Variants in IPO11 observed in about 807,000 individuals in gnomAD.
IPO11 encodes importin-11.
A neutral mutation model predicts 143.2 loss-of-function variants in IPO11; 66 were observed. The ratio of observed to expected loss-of-function variants is 0.46; its 90% CI spans 0.38 to 0.57. IPO11 has a LOEUF of 0.57. IPO11 is among the 20% of genes least tolerant of loss of function. IPO11 has a pLI of 0.00. For missense variants in IPO11, 1,026 were observed against 1,141.0 expected (o/e 0.90, Z 1.45); for synonymous variants, 385 against 377.8 (o/e 1.02, Z -0.22).
chr5:62,532,856 C>CA (rs1177367118), intron 22 of IPO11, among the ~76,000 whole-genome samples: 3 of 152,130 alleles, frequency 2.0e-5, no homozygotes, highest in African/African-American at 7.2e-5. Flanking sequence ...ACCGGCTCTT[C>CA]AGGATTTGTT....
intron 5 of IPO11, among the ~76,000 whole-genome samples, chr5:62,453,549 T>C (rs1030636885): frequency 3.9e-5 from 6 of 152,222 alleles, no homozygotes; most frequent in African/African-American, 7.2e-5. Context: ...TTCTGAGGAC[T>C]CAATTTTGTC....
intron 16 of IPO11, among the ~76,000 whole-genome samples, chr5:62,503,042 C>A (rs553056008): frequency 6.6e-6 from 1 of 152,160 alleles, no homozygotes; most frequent in East Asian, 1.9e-4. Flanking sequence ...CCAGTCTGGT[C>A]TCGAACTCCT....
At chr5:62,558,215 A>G (rs1259528123) in intron 26 of IPO11, among the ~76,000 whole-genome samples, 4 of 152,212 alleles carry the variant, frequency 2.6e-5, no homozygotes, top group Admixed American at 6.5e-5. Flanking sequence ...TTTTACTGTA[A>G]AAAATTGAGC....
At chr5:62,575,076 TTC>T (rs1335012467) in intron 27 of IPO11, among the ~76,000 whole-genome samples, 3 of 152,248 alleles carry the variant, frequency 2.0e-5, no homozygotes, top group Non-Finnish European at 4.4e-5. Flanking sequence ...CAATATTTGT[TTC>T]TGTTTTTATT....
At chr5:62,563,545 A>T (rs1482254127) in intron 27 of IPO11, among the ~76,000 whole-genome samples, 1 of 152,192 alleles carries the variant, frequency 6.6e-6, no homozygotes, top group Non-Finnish European at 1.5e-5. Context: ...TAGGTTGAGT[A>T]TCCTTTATCT....
chr5:62,623,907 G>C (rs1351951608), intron 29 of IPO11, among the ~76,000 whole-genome samples: 1 of 152,070 alleles, frequency 6.6e-6, no homozygotes, highest in Admixed American at 6.5e-5. Flanking sequence ...ACAGGCGTGA[G>C]CCACAATGCC....
chr5:62,563,591 T>C (rs978601624), intron 27 of IPO11, among the ~76,000 whole-genome samples: 3 of 152,168 alleles, frequency 2.0e-5, no homozygotes, highest in Admixed American at 2.0e-4. Flanking sequence ...TTTTGAGATT[T>C]TGAAATATTT....
chr5:62,489,525 G>T (rs1205791229), intron 14 of IPO11, among the ~76,000 whole-genome samples, 176 bp downstream of exon 14: 1 of 152,166 alleles, frequency 6.6e-6, no homozygotes, highest in African/African-American at 2.4e-5. Flanking sequence ...TACTATACAG[G>T]ATAGTTAATG....
chr5:62,578,723 CCT>C lies in IPO11; in HGVS notation c.2583-12851_2583-12850del, dbSNP rs764660865. 1.5e-5 allele frequency: 7 copies of C among 469,128 alleles called. No individual in the cohort carries two copies. The East Asian group carries it at 4.9e-4, about 33-fold the overall frequency. The allele number at this position is 469,128 out of a possible 1,614,324, so 29.1% of individuals were successfully genotyped here. A position where few individuals can be genotyped will look rare whatever the true frequency, so the allele number is the denominator to read the frequency against. ...TCTTAGCTTCCTGTATCCATGGCAA[CCT>C]CTGTTTTACACATTGACTGTAAAGG... On this transcript the variant is annotated intron_variant, in intron 27 of 29. Transcript: ENST00000325324.
intron 29 of IPO11, among the ~76,000 whole-genome samples, chr5:62,611,140 T>C (rs1745913742): frequency 6.6e-6 from 1 of 152,174 alleles, no homozygotes; most frequent in Non-Finnish European, 1.5e-5. Context: ...AAACCAAACA[T>C]AGCTTTCCTT....
At chr5:62,573,024 G>A (rs2112387893) in intron 27 of IPO11, among the ~76,000 whole-genome samples, 1 of 152,066 alleles carries the variant, frequency 6.6e-6, no homozygotes, top group East Asian at 1.9e-4. Flanking sequence ...ATGGAAATGT[G>A]GTAGTATCTT....
rs78289519 is a variant in IPO11, at chr5:62,474,128, T to C, written c.709-288T>C. Among the ~76,000 whole-genome samples, 1,104 of 152,262 alleles carry C rather than the reference T, an allele frequency of 7.3e-3. 14 individuals are homozygous for C. Among genetic ancestry groups the C allele is most frequent in the African/African-American group, 0.025 (1,038 of 41,550 alleles). ...AGAAAAATTAAAGCAGTAAGGAGAATAGAGAGTGTTTAGTGAAACAGGATG... is the reference window on the plus strand; with the variant it reads ...AGAAAAATTAAAGCAGTAAGGAGAACAGAGAGTGTTTAGTGAAACAGGATG... On this transcript the variant is annotated intron_variant, in intron 7 of 29. Transcript: ENST00000325324.
chr5:62,552,827 TTTAA>T (rs1743433292), intron 26 of IPO11, among the ~76,000 whole-genome samples: 3 of 152,304 alleles, frequency 2.0e-5, no homozygotes, highest in Admixed American at 6.5e-5. Flanking sequence ...TAAAAATTTT[TTTAA>T]TTGACACATA....
At position 62,490,284 on chromosome 5, in the gene IPO11, CAGGA is replaced by C. The variant is rs941743865; in HGVS notation, c.1463+68_1463+71del. ...ACCTTATTTATTTTATTAATGAAGA[CAGGA>C]AGGCATTAAAATGGCTTACAATTTA... On this transcript the variant is annotated intron_variant, in intron 15 of 29. Transcript: ENST00000325324. 71 of 1,064,690 alleles carry C rather than the reference CAGGA, an allele frequency of 6.7e-5. No homozygotes were observed. The East Asian group carries it at 1.0e-3, about 15-fold the overall frequency. 66.0% of individuals were successfully genotyped at this position (1,064,690 alleles called of 1,614,324 possible).
At chr5:62,460,379 C>G (rs1315405054) in intron 5 of IPO11, among the ~76,000 whole-genome samples, 1 of 152,130 alleles carries the variant, frequency 6.6e-6, no homozygotes, top group Non-Finnish European at 1.5e-5. Flanking sequence ...TGCTCTGCCT[C>G]CTACATTTGT....
chr5:62,588,652 A>G (rs1236719194), intron 27 of IPO11, among the ~76,000 whole-genome samples: 2 of 152,202 alleles, frequency 1.3e-5, no homozygotes, highest in African/African-American at 4.8e-5. Context: ...CTTCTCATTC[A>G]TACCCTCAGC....
At chr5:62,494,500 G>T (rs191768566) in intron 16 of IPO11, among the ~76,000 whole-genome samples, 95 of 152,040 alleles carry the variant, frequency 6.2e-4, no homozygotes, top group Non-Finnish European at 8.2e-4. Flanking sequence ...CTCATTTTGA[G>T]AATTTTTTTT....
In IPO11 at chr5:62,530,722, GA is replaced by G; in HGVS notation, c.2030del (p.Asn677ThrfsTer22). 1 of 1,612,150 alleles carries G rather than the reference GA, an allele frequency of 6.2e-7. No individual in the cohort carries two copies. Among genetic ancestry groups the G allele is most frequent in the Non-Finnish European group, 8.5e-7 (1 of 1,178,670 alleles). On this transcript the variant is annotated frameshift_variant, in exon 22 of 30. Transcript: ENST00000325324. LOFTEE classifies it high-confidence loss of function. ...DGLELWLVTL[E>X]NSPCITPELL... ...TTTCCTTCCTAGGTTAGTAACTTTG[GA>G]AAACAGTCCATGTATTACACCAGAG...
intron 19 of IPO11, among the ~76,000 whole-genome samples, chr5:62,514,029 G>A (rs568753939): frequency 1.3e-5 from 2 of 151,570 alleles, no homozygotes; most frequent in African/African-American, 4.9e-5. Context: ...CTTCCTAGAT[G>A]GGATGGGGGC....
Sources: allele counts gnomAD v4.1 joint callset (sites outside exome capture counted in the v4.1 genomes callset), GRCh38; gene constraint gnomAD v4.1.1; transcripts MANE v1.5; gene names NCBI Gene and HGNC (gene_info 2026-07-23, HGNC 2026-07-21).